MSH5: variants seen among roughly 807,000 people sequenced by gnomAD.
MSH5 encodes the protein mutS protein homolog 5.
In MSH5, 78 loss-of-function variants were observed where a neutral mutation model predicts 107.7. The ratio of observed to expected loss-of-function variants is 0.72; its 90% CI spans 0.60 to 0.87. The LOEUF (loss-of-function observed/expected upper bound fraction) is 0.87, where lower values mean the gene tolerates loss of function less well. MSH5 is among the 40% of genes least tolerant of loss of function. The pLI is 0.00. For missense variants in MSH5, 889 were observed against 1,046.6 expected, an observed-to-expected ratio of 0.85 and a Z score of 2.08; for synonymous variants, 326 against 399.5, an observed-to-expected ratio of 0.82 and a Z score of 2.19.
intron 9 of MSH5, among the ~76,000 whole-genome samples, chr6:31,745,722 G>A (rs527320939): frequency 2.0e-5 from 3 of 150,962 alleles, no homozygotes; most frequent in Non-Finnish European, 2.9e-5. Flanking sequence ...GGACATCTCC[G>A]CAAATATCCA....
chr6:31,740,503 C>T lies in MSH5; in HGVS notation c.37C>T (p.Gln13Ter). 6.4e-7 allele frequency: 1 copy of T among 1,567,652 alleles called. No homozygotes were observed. The highest frequency in any genetic ancestry group is 1.2e-5 in the South Asian group (1 of 85,424). ...SLGANPRRTP[Q>*]GPRPGAASSG... Reference sequence around the variant, plus strand: ...AGGAGCGAACCCAAGGAGGACACCGCAGGGACCGAGACCTGGGGCGGCCTC... The same window carrying T: ...AGGAGCGAACCCAAGGAGGACACCGTAGGGACCGAGACCTGGGGCGGCCTC... The change falls in exon 2 of 25, where the codon CAG (glutamine) becomes TAG (stop). Residue 13 changes from glutamine to a stop codon, truncating the protein, a stop_gained. Coordinates refer to ENST00000375750, the MANE Select transcript of MSH5 (RefSeq NM_172166.4). LOFTEE classifies it high-confidence loss of function. The surrounding 1 kb of genome is among the most constrained non-coding windows in gnomAD (Gnocchi z 4.4).
Position 31,760,717 on chromosome 6 carries a change from G to A in MSH5, c.1840G>A (p.Val614Ile). Residue 614 changes from valine (V) to isoleucine (I), a missense_variant, in exon 20 of 25, where the codon GTA (valine) becomes ATA (isoleucine). Transcript: ENST00000375750. This position sits in a 1 kb window ranked among gnomAD's most constrained non-coding sequence, Gnocchi z 5.6. The part of the protein sequence containing the change: ...QVGLITFMAL[V>I]GSFVPAEEAE... Reference sequence around the variant, plus strand: ...AGGCTTGATCACATTCATGGCCCTGGTAGGCAGCTTTGTGCCAGCAGAGGA... The same window carrying A: ...AGGCTTGATCACATTCATGGCCCTGATAGGCAGCTTTGTGCCAGCAGAGGA... 1.2e-6 allele frequency: 2 copies of A among 1,613,030 alleles called. No individual in the cohort carries two copies. Among genetic ancestry groups the A allele is most frequent in the South Asian group, 1.1e-5 (1 of 91,086 alleles).
At position 31,760,544 on chromosome 6, in the gene MSH5, A is replaced by T; in HGVS notation, c.1813-146A>T. On this transcript the variant is annotated intron_variant, in intron 19 of 24. Coordinates refer to ENST00000375750, the MANE Select transcript of MSH5 (RefSeq NM_172166.4). The surrounding 1 kb of genome is among the most constrained non-coding windows in gnomAD (Gnocchi z 5.6). ...ACAGGGCTATGGTCAGGATTCGGGG[A>T]GGAGAGACAGAGTCAGTGTGTCTGT... The T allele has an allele frequency of 1.8e-6, 2 of 1,123,128 alleles. No homozygotes were observed. Among genetic ancestry groups the T allele is most frequent in the Admixed American group, 1.8e-5 (1 of 55,134 alleles). The allele number at this position is 1,123,128 out of a possible 1,614,324, so 69.6% of individuals were successfully genotyped here.
Position 31,740,538 on chromosome 6 carries a change from C to G in MSH5, c.72C>G (p.Phe24Leu), listed in dbSNP as rs773181036. The G allele has an allele frequency of 2.2e-5, 34 of 1,538,502 alleles. No individual in the cohort carries two copies. The Admixed American group carries it at 6.4e-4, about 29-fold the overall frequency. Reference sequence around the variant, plus strand: ...GACCTGGGGCGGCCTCCTCCGGCTTCCCCAGCCCGGCCCCAGTGCCGGGCC... The same window carrying G: ...GACCTGGGGCGGCCTCCTCCGGCTTGCCCAGCCCGGCCCCAGTGCCGGGCC... Reference protein sequence around the residue: ...GPRPGAASSGFPSPAPVPGPR... With the variant: ...GPRPGAASSGLPSPAPVPGPR... Residue 24 changes from phenylalanine to leucine, a missense_variant, in exon 2 of 25, where the codon TTC (phenylalanine) becomes TTG (leucine). Phe to Leu is a conservative substitution (Grantham distance 22). This residue lies in a region of MSH5 where 518 missense variants were observed against 565.0 expected (regional missense o/e 0.92). Transcript: ENST00000375750. This position sits in a 1 kb window ranked among gnomAD's most constrained non-coding sequence, Gnocchi z 4.4.
chr6:31,744,856 G>C (rs1809269179), intron 8 of MSH5, among the ~76,000 whole-genome samples: 1 of 152,138 alleles, frequency 6.6e-6, no homozygotes, highest in Non-Finnish European at 1.5e-5. Flanking sequence ...GCTCATGCCT[G>C]TAATCCCCGC....
At chr6:31,753,506 T>A (rs1810158243) in intron 11 of MSH5, 61 bp from the exon 12 acceptor site, 1 of 1,613,420 alleles carries the variant, frequency 6.2e-7, no homozygotes, top group African/African-American at 1.3e-5. Context: ...GCAGTGGGCT[T>A]CTTGAGGGGC....
intron 3 of MSH5, 70 bp downstream of exon 3, chr6:31,741,356 C>T (rs1046832781): frequency 3.7e-5 from 49 of 1,313,450 alleles, no homozygotes; most frequent in Non-Finnish European, 4.8e-5. Flanking sequence ...CACACACACA[C>T]ACACACACAC....
chr6:31,744,676 C>T, intron 8 of MSH5, 95 bp downstream of exon 8: 1 of 1,361,298 alleles, frequency 7.3e-7, no homozygotes, highest in Non-Finnish European at 1.0e-6. Flanking sequence ...TTCCCTAATC[C>T]TGGGGCTATT....
Position 31,759,594 on chromosome 6 carries a change from TG to T in MSH5, c.1495+86del. On this transcript the variant is annotated intron_variant, in intron 17 of 24. Transcript: ENST00000375750. This position sits in a 1 kb window ranked among gnomAD's most constrained non-coding sequence, Gnocchi z 4.7. ...AGGGGAAGGAGGGGAGTGGGCAACT[TG>T]GGGATGCTTCCAACAGGCCCCTCCT... is the stretch of plus-strand genomic sequence containing the variant. 4 of 1,475,208 alleles carry T rather than the reference TG, an allele frequency of 2.7e-6. No individual in the cohort carries two copies. Among genetic ancestry groups the T allele is most frequent in the Non-Finnish European group, 3.8e-6 (4 of 1,065,798 alleles). 91.4% of individuals were successfully genotyped at this position (1,475,208 alleles called of 1,614,324 possible). A position where few individuals can be genotyped will look rare whatever the true frequency, so the allele number is the denominator to read the frequency against.
chr6:31,758,173 C>T lies in MSH5; in HGVS notation c.1023C>T (p.Tyr341=), dbSNP rs746286547. 2.2e-5 allele frequency: 36 copies of T among 1,612,966 alleles called. No homozygotes were observed. Among genetic ancestry groups the T allele is most frequent in the Non-Finnish European group, 9.3e-6 (11 of 1,180,044 alleles). ...TTGTGTTTCTCTCACAGACTGTGTA[C>T]AGTGCCCTGGGCCTGAGGGATGCCT... The part of the protein sequence containing the change: ...SDWQVLYKTV[Y]SALGLRDACR... Residue 341 remains tyrosine (Y), a synonymous_variant, in exon 13 of 25, where the codon TAC becomes TAT. Coordinates refer to ENST00000375750, the MANE Select transcript of MSH5 (RefSeq NM_172166.4). The surrounding 1 kb of genome is among the most constrained non-coding windows in gnomAD (Gnocchi z 5.1).
At chr6:31,753,093 A>G (rs1000273001) in intron 10 of MSH5, among the ~76,000 whole-genome samples, 5 of 152,250 alleles carry the variant, frequency 3.3e-5, no homozygotes, top group African/African-American at 1.2e-4. Context: ...ATATGTAGAC[A>G]CAATTATGCT....
At chr6:31,747,727 C>T (rs760307500) in intron 10 of MSH5, among the ~76,000 whole-genome samples, 2 of 152,138 alleles carry the variant, frequency 1.3e-5, no homozygotes, top group African/African-American at 4.8e-5. Flanking sequence ...AATGTAAGGC[C>T]GGGCACAGTG....
At position 31,761,058 on chromosome 6, in the gene MSH5, C is replaced by A. The variant is rs1810942629; in HGVS notation, c.1963-130C>A. On this transcript the variant is annotated intron_variant, in intron 20 of 24. Transcript: ENST00000375750. The surrounding 1 kb of genome is among the most constrained non-coding windows in gnomAD (Gnocchi z 5.3). ...TGGCAAAGAGGATGAACAAAGCGTG[C>A]ACCTCACCATTCAAGAACTTGCAGT... The A allele has an allele frequency of 1.9e-6, 2 of 1,025,756 alleles. No individual in the cohort carries two copies. The highest frequency in any genetic ancestry group is 1.6e-5 in the South Asian group (1 of 64,226). The allele number at this position is 1,025,756 out of a possible 1,614,324, so 63.5% of individuals were successfully genotyped here.
chr6:31,759,315 A>T lies in MSH5; in HGVS notation c.1408-110A>T. 2 of 1,419,770 alleles carry T rather than the reference A, an allele frequency of 1.4e-6. No homozygotes were observed. The highest frequency in any genetic ancestry group is 2.0e-6 in the Non-Finnish European group (2 of 1,007,330). 87.9% of individuals were successfully genotyped at this position (1,419,770 alleles called of 1,614,324 possible). A position where few individuals can be genotyped will look rare whatever the true frequency, so the allele number is the denominator to read the frequency against. ...TACTCTGAGCTTTACCAGCACTGAG[A>T]CAAAGGAAAGAGAAGTCAGAGTTAG... On this transcript the variant is annotated intron_variant, in intron 16 of 24. Transcript: ENST00000375750. This position sits in a 1 kb window ranked among gnomAD's most constrained non-coding sequence, Gnocchi z 4.7.
chr6:31,758,047 C>A lies in MSH5; in HGVS notation c.1015-118C>A. The A allele has an allele frequency of 2.3e-6, 3 of 1,288,286 alleles. No homozygotes were observed. Among genetic ancestry groups the A allele is most frequent in the Non-Finnish European group, 3.3e-6 (3 of 917,760 alleles). 79.8% of individuals were successfully genotyped at this position (1,288,286 alleles called of 1,614,324 possible). A position where few individuals can be genotyped will look rare whatever the true frequency, so the allele number is the denominator to read the frequency against. The stretch of plus-strand genomic sequence containing the variant: ...CACTGTTTCTTTTTGCCTTTGAGAT[C>A]TTCCCTCTTTGTTACTGTGATCTTC... On this transcript the variant is annotated intron_variant, in intron 12 of 24. Coordinates refer to ENST00000375750, the MANE Select transcript of MSH5 (RefSeq NM_172166.4). The surrounding 1 kb of genome is among the most constrained non-coding windows in gnomAD (Gnocchi z 5.1).
At chr6:31,748,378 C>T (rs1487519322) in intron 10 of MSH5, among the ~76,000 whole-genome samples, 11 of 110,444 alleles carry the variant, frequency 1.0e-4, no homozygotes, top group South Asian at 5.9e-4. Flanking sequence ...GACTGAGTTT[C>T]GCTCTTGTTG....
At chr6:31,745,390 TC>T in intron 9 of MSH5, 71 bp downstream of exon 9, 1 of 1,024,176 alleles carries the variant, frequency 9.8e-7, no homozygotes, top group Non-Finnish European at 1.5e-6. Flanking sequence ...CAAAGATGTG[TC>T]CCAGCCTCCC....
At position 31,740,303 on chromosome 6, in the gene MSH5, C is replaced by A; in HGVS notation, c.-13-151C>A. Reference sequence around the variant, plus strand: ...CTTTAGTTAAATACCCGAGAATTCACCTCCTGTGTCCACAGCTCTCCACGC... The same window carrying A: ...CTTTAGTTAAATACCCGAGAATTCAACTCCTGTGTCCACAGCTCTCCACGC... On this transcript the variant is annotated intron_variant, in intron 1 of 24. Coordinates refer to ENST00000375750, the MANE Select transcript of MSH5 (RefSeq NM_172166.4). This position sits in a 1 kb window ranked among gnomAD's most constrained non-coding sequence, Gnocchi z 4.4. 1 of 692,684 alleles carries A rather than the reference C, an allele frequency of 1.4e-6. No individual in the cohort carries two copies. Among genetic ancestry groups the A allele is most frequent in the Non-Finnish European group, 2.3e-6 (1 of 432,524 alleles). The allele number at this position is 692,684 out of a possible 1,614,324, so 42.9% of individuals were successfully genotyped here. A position where few individuals can be genotyped will look rare whatever the true frequency, so the allele number is the denominator to read the frequency against.
chr6:31,752,421 A>T (rs925830932), intron 10 of MSH5, among the ~76,000 whole-genome samples: 1 of 148,970 alleles, frequency 6.7e-6, no homozygotes, highest in African/African-American at 2.5e-5. Flanking sequence ...TAAAATAAAA[A>T]AAAAGAATAA....
Sources: allele counts gnomAD v4.1 joint callset (sites outside exome capture counted in the v4.1 genomes callset), GRCh38; gene constraint gnomAD v4.1.1; regional missense constraint gnomAD v4.1.1; non-coding constraint Gnocchi (gnomAD v3.1); transcripts MANE v1.5; gene names NCBI Gene and HGNC (gene_info 2026-07-23, HGNC 2026-07-21).